The following MCTP1 variants were observed in gnomAD, a reference collection of about 807,000 sequenced individuals.
MCTP1 encodes the protein multiple C2 and transmembrane domain-containing protein 1.
In MCTP1, 69 loss-of-function variants were observed where a neutral mutation model predicts 120.6. The ratio of observed to expected loss-of-function variants is 0.57; its 90% CI spans 0.47 to 0.70. The LOEUF (loss-of-function observed/expected upper bound fraction) is 0.70, where lower values mean the gene tolerates loss of function less well. Ranked by LOEUF, MCTP1 falls within the 30% of genes least tolerant of loss-of-function variation. MCTP1 has a pLI of 0.00. For synonymous variants in MCTP1, 529 were observed against 493.1 expected, an observed-to-expected ratio of 1.07 and a Z score of -0.96; for missense variants, 1,203 against 1,248.8, an observed-to-expected ratio of 0.96 and a Z score of 0.55.
At chr5:95,119,250 G>C (rs544707972) in intron 1 of MCTP1, among the ~76,000 whole-genome samples, 1 of 152,116 alleles carries the variant, frequency 6.6e-6, no homozygotes, top group Non-Finnish European at 1.5e-5. Flanking sequence ...GAACTATACA[G>C]ACATACAGAA....
At chr5:94,799,958 T>C (rs1013982292) in intron 17 of MCTP1, among the ~76,000 whole-genome samples, 1 of 152,184 alleles carries the variant, frequency 6.6e-6, no homozygotes, top group African/African-American at 2.4e-5. Context: ...ATTTAAATTC[T>C]CTGGGTCTAT....
rs113036963 is a variant in MCTP1 at position 95,190,003 on chromosome 5, G to A, written c.720+93853C>T. On this transcript the variant is annotated intron_variant, in intron 1 of 22. Transcript: ENST00000515393. ...AATATCCGTACTTGGTGGGAGAGAC[G>A]TATATATATGCAAAGAGATTGAAGC... Among the ~76,000 whole-genome samples the A allele has an allele frequency of 2.6e-5, 4 of 152,072 alleles. No homozygotes were observed. In the East Asian group the frequency reaches 7.7e-4, roughly 29 times the overall value.
chr5:94,986,338 G>A (rs1205302507), intron 2 of MCTP1, among the ~76,000 whole-genome samples: 1 of 152,018 alleles, frequency 6.6e-6, no homozygotes, highest in Non-Finnish European at 1.5e-5. Flanking sequence ...CCTGTCTTCT[G>A]TATGTCAAAG....
At chr5:95,169,905 T>A (rs543975486) in intron 1 of MCTP1, among the ~76,000 whole-genome samples, 1 of 152,354 alleles carries the variant, frequency 6.6e-6, no homozygotes, top group East Asian at 1.9e-4. Flanking sequence ...TCAGTTCTGC[T>A]CTGATCTTAG....
In MCTP1 at chr5:95,241,883, G is replaced by T. The variant is rs73142030; in HGVS notation, c.720+41973C>A. On this transcript the variant is annotated intron_variant, in intron 1 of 22. Transcript: ENST00000515393. ...TCCGCAAAGCAAAATAGTCTGAAAA[G>T]CTAGAAAGTTACATGCTTTCCAAAA... Among the ~76,000 whole-genome samples, 328 of 152,270 alleles carry T rather than the reference G, an allele frequency of 2.2e-3. 4 individuals carry two copies. Among genetic ancestry groups the T allele is most frequent in the African/African-American group, 7.6e-3 (314 of 41,564 alleles).
At chr5:94,757,103 C>T (rs1254183264) in intron 19 of MCTP1, among the ~76,000 whole-genome samples, 1 of 152,108 alleles carries the variant, frequency 6.6e-6, no homozygotes, top group East Asian at 1.9e-4. Flanking sequence ...ATAGAGTTGT[C>T]ATGAAGAAGA....
chr5:94,980,746 G>A lies in MCTP1; in HGVS notation c.839-27385C>T, dbSNP rs1829217765. Reference sequence around the variant, plus strand: ...ACAATAAGCTGATCTTCTTATCCATGTTCTTCAATGAGAGAAGTTTTAAAG... The same window carrying A: ...ACAATAAGCTGATCTTCTTATCCATATTCTTCAATGAGAGAAGTTTTAAAG... On this transcript the variant is annotated intron_variant, in intron 2 of 22. Coordinates refer to ENST00000515393, the MANE Select transcript of MCTP1 (RefSeq NM_024717.7). 2.6e-5 allele frequency: 4 copies of A among 151,938 alleles called. No homozygotes were observed. In the South Asian group the frequency reaches 8.3e-4, roughly 32 times the overall value. 9.4% of individuals were successfully genotyped at this position (151,938 alleles called of 1,614,324 possible). A position where few individuals can be genotyped will look rare whatever the true frequency, so the allele number is the denominator to read the frequency against.
chr5:95,255,437 A>G (rs1757782440), intron 1 of MCTP1, among the ~76,000 whole-genome samples: 1 of 152,168 alleles, frequency 6.6e-6, no homozygotes, highest in African/African-American at 2.4e-5. Context: ...TCATTTCCCA[A>G]TCATATACTA....
chr5:95,157,440 C>T (rs976059008), intron 1 of MCTP1, among the ~76,000 whole-genome samples: 2 of 152,200 alleles, frequency 1.3e-5, no homozygotes, highest in South Asian at 4.1e-4. Flanking sequence ...ATATTGAAAG[C>T]TAGTTTTCTA....
At position 94,907,430 on chromosome 5, in the gene MCTP1, A is replaced by G. The variant is rs138728507; in HGVS notation, c.1652+1821T>C. ...ATACCTGTGCTCATTTCACTCTAAA[A>G]CTTTTGGGCTTAAATTGCTCTCATA... is the stretch of plus-strand genomic sequence containing the variant. On this transcript the variant is annotated intron_variant, in intron 10 of 22. Transcript: ENST00000515393. Among the ~76,000 whole-genome samples, 113 of 152,236 alleles carry G rather than the reference A, an allele frequency of 7.4e-4. 1 individual carries two copies. In the East Asian group the frequency reaches 0.018, roughly 25 times the overall value.
At chr5:94,735,903 G>C (rs968226694) in intron 19 of MCTP1, among the ~76,000 whole-genome samples, 1 of 152,178 alleles carries the variant, frequency 6.6e-6, no homozygotes, top group Non-Finnish European at 1.5e-5. Context: ...AGTCAACACA[G>C]TAGTAGAGAA....
intron 20 of MCTP1, among the ~76,000 whole-genome samples, chr5:94,711,282 G>A (rs947329228): frequency 6.6e-6 from 1 of 152,102 alleles, no homozygotes; most frequent in African/African-American, 2.4e-5. Flanking sequence ...TGGCTTTTCA[G>A]AGGGGAATGC....
chr5:95,216,103 T>A (rs1443749644), intron 1 of MCTP1, among the ~76,000 whole-genome samples: 1 of 152,242 alleles, frequency 6.6e-6, no homozygotes, highest in African/African-American at 2.4e-5. Context: ...TTAACTCTTA[T>A]CTTTGGCATT....
intron 2 of MCTP1, among the ~76,000 whole-genome samples, chr5:94,958,269 G>T (rs961933523): frequency 4.6e-5 from 7 of 152,206 alleles, no homozygotes; most frequent in Admixed American, 6.5e-5. Flanking sequence ...AGCTAAAGCA[G>T]TGTGTAGAGG....
At chr5:95,260,659 C>T (rs1327985471) in intron 1 of MCTP1, among the ~76,000 whole-genome samples, 2 of 151,818 alleles carry the variant, frequency 1.3e-5, no homozygotes, top group African/African-American at 2.4e-5. Context: ...TTGCAATTTG[C>T]TTTTGCTTAT....
At chr5:95,188,633 T>C (rs567889047) in intron 1 of MCTP1, among the ~76,000 whole-genome samples, 1 of 152,216 alleles carries the variant, frequency 6.6e-6, no homozygotes, top group South Asian at 2.1e-4. Flanking sequence ...ATTCTTGAAA[T>C]AACAAGATTA....
intron 17 of MCTP1, among the ~76,000 whole-genome samples, chr5:94,830,674 T>C (rs1788307653): frequency 6.6e-6 from 1 of 152,202 alleles, no homozygotes; most frequent in Non-Finnish European, 1.5e-5. Context: ...CTAAGTTCCT[T>C]ATGGAGGAAA....
rs190509432 is a variant in MCTP1 at position 95,182,785 on chromosome 5, A to C, written c.720+101071T>G. 3.3e-3 allele frequency among the ~76,000 whole-genome samples: 503 copies of C among 152,268 alleles called. 5 individuals carry two copies. Among genetic ancestry groups the C allele is most frequent in the African/African-American group, 0.011 (461 of 41,580 alleles). On this transcript the variant is annotated intron_variant, in intron 1 of 22. Coordinates refer to ENST00000515393, the MANE Select transcript of MCTP1 (RefSeq NM_024717.7). ...GCTTAAAGAATATTATAAAGCTGGG[A>C]GGCCGAGGCGGGTGGATCACAAGGT...
chr5:95,250,296 C>T (rs1016780396), intron 1 of MCTP1, among the ~76,000 whole-genome samples: 15 of 152,276 alleles, frequency 9.9e-5, no homozygotes, highest in African/African-American at 1.4e-4. Context: ...CACTCTGCAT[C>T]GCCCCATGGG....
Sources: allele counts gnomAD v4.1 joint callset (sites outside exome capture counted in the v4.1 genomes callset), GRCh38; gene constraint gnomAD v4.1.1; transcripts MANE v1.5; gene names NCBI Gene and HGNC (gene_info 2026-07-23, HGNC 2026-07-21).